The following PER2 variants were observed in gnomAD, a reference collection of about 807,000 sequenced individuals.
PER2 encodes the protein period circadian protein homolog 2.
Under a neutral mutation model 121.0 loss-of-function variants are expected in PER2, and 66 were observed. The observed-to-expected ratio is 0.55, with a 90% CI of 0.45 to 0.67. The LOEUF (loss-of-function observed/expected upper bound fraction) is 0.67, where lower values mean the gene tolerates loss of function less well. Ranked by LOEUF, PER2 falls within the 30% of genes least tolerant of loss-of-function variation. The probability of loss-of-function intolerance (pLI) is 0.00; values close to 1 mark genes in which losing one functional copy is unlikely to be tolerated. For synonymous variants in PER2, 684 were observed against 659.9 expected (o/e 1.04, Z -0.56); for missense variants, 1,521 against 1,635.0 (o/e 0.93, Z 1.20).
chr2:238,251,203 T>G (rs1211488189), intron 20 of PER2, among the ~76,000 whole-genome samples: 1 of 152,198 alleles, frequency 6.6e-6, no homozygotes, highest in Non-Finnish European at 1.5e-5. Context: ...AGTGTGTACA[T>G]TTCTGGTGCC....
At chr2:238,249,311 T>C (rs923216470) in intron 21 of PER2, 99 bp from the exon 22 acceptor site, 1 of 1,290,322 alleles carries the variant, frequency 7.7e-7, no homozygotes, top group African/African-American at 1.5e-5. Flanking sequence ...TTTTGTTTAA[T>C]GCAAATTTCC....
rs956457591 is a variant in PER2 at position 238,288,194 on chromosome 2, G to A, written c.-20+155C>T. 7.9e-5 allele frequency among the ~76,000 whole-genome samples: 12 copies of A among 152,312 alleles called. No individual in the cohort carries two copies. In the South Asian group the frequency reaches 1.2e-3, roughly 16 times the overall value. On this transcript the variant is annotated intron_variant, in intron 1 of 22. Coordinates refer to ENST00000254657, the MANE Select transcript of PER2 (RefSeq NM_022817.3). ...CAGAAGAGGCAGTCAGCTCCCCGAG[G>A]GTCCTCCAGATCCCAGGGCCGGCTG...
At chr2:238,263,725 A>G (rs2106307467) in intron 9 of PER2, among the ~76,000 whole-genome samples, 1 of 151,898 alleles carries the variant, frequency 6.6e-6, no homozygotes, top group Non-Finnish European at 1.5e-5. Context: ...ATCCAAACCA[A>G]TGTTTCCTCA....
intron 19 of PER2, 35 bp from the exon 20 acceptor site, chr2:238,251,796 G>C (rs1265574163): frequency 2.0e-6 from 3 of 1,485,430 alleles, no homozygotes; most frequent in Non-Finnish European, 1.9e-6. Flanking sequence ...GCTGTTCAGG[G>C]GCTCAGTCAG....
At chr2:238,282,703 C>A (rs1033045686) in intron 1 of PER2, among the ~76,000 whole-genome samples, 1 of 151,730 alleles carries the variant, frequency 6.6e-6, no homozygotes, top group African/African-American at 2.4e-5. Context: ...GGCACTGGGG[C>A]AGACAACAGA....
intron 10 of PER2, 56 bp from the exon 11 acceptor site, chr2:238,262,400 TAGAG>T: frequency 6.4e-7 from 1 of 1,567,670 alleles, no homozygotes; most frequent in Non-Finnish European, 8.8e-7. Context: ...GGATTTATAG[TAGAG>T]AGAGACAAGT....
chr2:238,290,385 C>G (rs1696929363), upstream of PER2, among the ~76,000 whole-genome samples: 1 of 152,084 alleles, frequency 6.6e-6, no homozygotes, highest in African/African-American at 2.4e-5. Flanking sequence ...TTTCTTCCCT[C>G]CCATTGACGT....
intron 5 of PER2, 62 bp downstream of exon 5, chr2:238,273,008 T>C: frequency 6.4e-7 from 1 of 1,562,890 alleles, no homozygotes; most frequent in Non-Finnish European, 8.8e-7. Context: ...AGTGCTGAGC[T>C]AGCTCGCCTG....
chr2:238,289,588 A>G (rs1302294982), upstream of PER2: 1 of 152,252 alleles, frequency 6.6e-6, no homozygotes, highest in African/African-American at 2.4e-5. Flanking sequence ...TAAAAAGGAA[A>G]CTTAATCAAA....
chr2:238,255,885 G>A lies in PER2; in HGVS notation c.2092C>T (p.Pro698Ser), dbSNP rs1695745234. Residue 698 changes from proline (P) to serine (S), a missense_variant, in exon 18 of 23, where the codon CCA (proline) becomes TCA (serine). Physicochemically the swap from Pro to Ser is moderately conservative, Grantham distance 74 (BLOSUM62 -1). Coordinates refer to ENST00000254657, the MANE Select transcript of PER2 (RefSeq NM_022817.3). ...LEMVEDAASG[P>S]ESLDCLAGPA... Reference sequence around the variant, plus strand: ...CCCGCCAGGCAGTCCAGGGATTCTGGCCCACTCGCAGCATCTTCCACCATC... The same window carrying A: ...CCCGCCAGGCAGTCCAGGGATTCTGACCCACTCGCAGCATCTTCCACCATC... The A allele has an allele frequency of 6.2e-7, 1 of 1,614,070 alleles. No homozygotes were observed. The highest frequency in any genetic ancestry group is 1.7e-5 in the Admixed American group (1 of 60,008).
At position 238,245,188 on chromosome 2, in the gene PER2, GGAATAT is replaced by G; in HGVS notation, c.*1181_*1186del. The G allele has an allele frequency of 5.4e-6, 1 of 185,142 alleles. No homozygotes were observed. The highest frequency in any genetic ancestry group is 1.3e-4 in the East Asian group (1 of 7,726). The allele number at this position is 185,142 out of a possible 1,614,324, so 11.5% of individuals were successfully genotyped here. On this transcript the variant is annotated 3_prime_UTR_variant, in exon 23 of 23. Transcript: ENST00000254657. ...ATATTAAATTTTCTGAACCATCTTT[GGAATAT>G]ACAATGCAACATGAGGTTTTGTAAA...
At chr2:238,265,318 A>C (rs1211568727) in intron 9 of PER2, among the ~76,000 whole-genome samples, 194 bp downstream of exon 9, 1 of 152,260 alleles carries the variant, frequency 6.6e-6, no homozygotes, top group Non-Finnish European at 1.5e-5. Flanking sequence ...ACAGCTCTCC[A>C]GAAAGCCTCA....
the PER2 span, among the ~76,000 whole-genome samples, chr2:238,298,144 C>T: frequency 6.6e-6 from 1 of 151,614 alleles, no homozygotes; most frequent in Non-Finnish European, 1.5e-5. Context: ...ACCCCATTCT[C>T]CTGCCTCAGC....
chr2:238,265,832 C>A (rs900328877), intron 8 of PER2, among the ~76,000 whole-genome samples: 1 of 151,876 alleles, frequency 6.6e-6, no homozygotes, highest in Non-Finnish European at 1.5e-5. Flanking sequence ...TCGAAACTGC[C>A]GTGTTAACAA....
intron 18 of PER2, 105 bp downstream of exon 18, chr2:238,255,552 T>G: frequency 8.5e-7 from 1 of 1,171,914 alleles, no homozygotes; most frequent in Non-Finnish European, 1.3e-6. Context: ...TATATGTTAA[T>G]GCTTCTGAAA....
intron 14 of PER2, among the ~76,000 whole-genome samples, chr2:238,259,170 C>A (rs1021897145): frequency 2.0e-5 from 3 of 152,234 alleles, no homozygotes; most frequent in Non-Finnish European, 2.9e-5. Context: ...CCCCAACACC[C>A]AGCACAGAGT....
Position 238,283,870 on chromosome 2 carries a change from G to A in PER2, c.-20+4479C>T, listed in dbSNP as rs887688997. ...CCCACAGCCCTCCCCCAGATAAGCA[G>A]CTGGTCCTTTCTGCTCTGAGTGAGT... is the stretch of plus-strand genomic sequence containing the variant. On this transcript the variant is annotated intron_variant, in intron 1 of 22. Transcript: ENST00000254657. Among the ~76,000 whole-genome samples, 3 of 152,204 alleles carry A rather than the reference G, an allele frequency of 2.0e-5. No homozygotes were observed. The South Asian group carries it at 6.2e-4, about 31-fold the overall frequency.
chr2:238,283,036 C>A (rs1400282473), intron 1 of PER2, among the ~76,000 whole-genome samples: 1 of 151,900 alleles, frequency 6.6e-6, no homozygotes, highest in Non-Finnish European at 1.5e-5. Flanking sequence ...ACTCGGATGA[C>A]GTGCCACACC....
rs768206966 is a variant in PER2, at chr2:238,252,891, A to G, written c.3111+21T>C. The G allele has an allele frequency of 6.2e-7, 1 of 1,609,144 alleles. No individual in the cohort carries two copies. Among genetic ancestry groups the G allele is most frequent in the Non-Finnish European group, 8.5e-7 (1 of 1,177,252 alleles). Reference sequence around the variant, plus strand: ...GCTGTTTGCTGCCTGCTTTGGGGAAAGAGCATCAGAAAATCCTTACGGTCA... The same window carrying G: ...GCTGTTTGCTGCCTGCTTTGGGGAAGGAGCATCAGAAAATCCTTACGGTCA... On this transcript the variant is annotated intron_variant, in intron 19 of 22. Coordinates refer to ENST00000254657, the MANE Select transcript of PER2 (RefSeq NM_022817.3). The surrounding 1 kb of genome is among the most constrained non-coding windows in gnomAD (Gnocchi z 4.2).
Sources: allele counts gnomAD v4.1 joint callset (sites outside exome capture counted in the v4.1 genomes callset), GRCh38; gene constraint gnomAD v4.1.1; non-coding constraint Gnocchi (gnomAD v3.1); transcripts MANE v1.5; gene names NCBI Gene and HGNC (gene_info 2026-07-23, HGNC 2026-07-21).